Variants in VSTM2L observed in about 807,000 individuals in gnomAD.
VSTM2L encodes the protein V-set and transmembrane domain-containing protein 2-like protein.
VSTM2L carries 9 observed loss-of-function variants against 19.9 expected under a neutral mutation model. The observed-to-expected ratio is 0.45, with a 90% confidence interval of 0.27 to 0.79. The LOEUF (loss-of-function observed/expected upper bound fraction) is 0.79. Among genes scored for constraint, VSTM2L ranks in the 30% least tolerant of loss-of-function variants. VSTM2L has a pLI of 0.15. For missense variants in VSTM2L, 286 were observed against 295.5 expected (o/e 0.97, Z 0.24); for synonymous variants, 127 against 133.8 (o/e 0.95, Z 0.35).
Position 37,941,809 on chromosome 20 carries a change from G to GT in VSTM2L, c.343-2159dup, listed in dbSNP as rs1240857630. The stretch of plus-strand genomic sequence containing the variant: ...CAGGCAGGACAGGGGCTGCAGGAAG[G>GT]TTTTTTTTTTTTTCTAAGAAGAAGG... On this transcript the variant is annotated intron_variant, in intron 3 of 3. Transcript: ENST00000373461. Among the ~76,000 whole-genome samples the GT allele has an allele frequency of 9.4e-3, 1,351 of 143,756 alleles. 20 individuals are homozygous for GT. Among genetic ancestry groups the GT allele is most frequent in the African/African-American group, 0.027 (1,051 of 39,340 alleles). The allele number at this position is 143,756 out of a possible 152,430, so 94.3% of individuals were successfully genotyped here.
chr20:37,911,235 C>CAA (rs11352183), intron 1 of VSTM2L, among the ~76,000 whole-genome samples: 200 of 45,290 alleles, frequency 4.4e-3, no homozygotes, highest in Non-Finnish European at 5.6e-3. Context: ...GACTCCATCT[C>CAA]AAAAAAAAAA....
rs1414875192 is a variant in VSTM2L, at chr20:37,944,353, C to T, written c.*100C>T. ...CCGACTGCCTGCGTCCAGCCGCGCC[C>T]CATCCCCGAGGCCGCCTGTGGCCAC... is the stretch of plus-strand genomic sequence containing the variant. On this transcript the variant is annotated 3_prime_UTR_variant, in exon 4 of 4. Transcript: ENST00000373461. The T allele has an allele frequency of 6.2e-6, 8 of 1,297,538 alleles. No homozygotes were observed. The Middle Eastern group carries it at 8.5e-4, about 138-fold the overall frequency. 80.4% of individuals were successfully genotyped at this position (1,297,538 alleles called of 1,614,324 possible). A position where few individuals can be genotyped will look rare whatever the true frequency, so the allele number is the denominator to read the frequency against.
intron 2 of VSTM2L, among the ~76,000 whole-genome samples, chr20:37,932,078 C>A (rs186565807): frequency 6.6e-6 from 1 of 152,194 alleles, no homozygotes; most frequent in Non-Finnish European, 1.5e-5. Flanking sequence ...GGCCTCCCTT[C>A]GGGGTACAGG....
intron 1 of VSTM2L, among the ~76,000 whole-genome samples, chr20:37,925,216 A>G (rs889232085): frequency 6.6e-6 from 1 of 151,812 alleles, no homozygotes; most frequent in Non-Finnish European, 1.5e-5. Flanking sequence ...CTGCTTGTCA[A>G]TATCCACCCA....
Position 37,944,815 on chromosome 20 carries a change from A to G in VSTM2L, c.*562A>G. 6 of 986,056 alleles carry G rather than the reference A, an allele frequency of 6.1e-6. No homozygotes were observed. Among genetic ancestry groups the G allele is most frequent in the Non-Finnish European group, 7.2e-6 (6 of 830,146 alleles). The allele number at this position is 986,056 out of a possible 1,614,324, so 61.1% of individuals were successfully genotyped here. On this transcript the variant is annotated 3_prime_UTR_variant, in exon 4 of 4. Transcript: ENST00000373461. The stretch of plus-strand genomic sequence containing the variant: ...GGGTCACTCATGGAGGCCTAGGGGA[A>G]CAGCGAGATGCCCCACCACCTCCTG...
intron 1 of VSTM2L, among the ~76,000 whole-genome samples, chr20:37,921,838 CTTTTTTTTTTTT>C (rs756122087): frequency 6.5e-5 from 6 of 91,772 alleles, no homozygotes; most frequent in South Asian, 3.8e-4. Flanking sequence ...CTTTCTTTTC[CTTTTTTTTTTTT>C]TTTTTTTTTT....
chr20:37,910,319 G>A (rs971481675), intron 1 of VSTM2L, among the ~76,000 whole-genome samples: 3 of 152,192 alleles, frequency 2.0e-5, no homozygotes, highest in African/African-American at 7.2e-5. Context: ...ATGTCCGTGG[G>A]GATCCACAGT....
intron 3 of VSTM2L, among the ~76,000 whole-genome samples, chr20:37,939,047 T>C (rs1462411375): frequency 1.3e-5 from 2 of 152,152 alleles, no homozygotes; most frequent in East Asian, 3.8e-4. Context: ...AGAAAATCGC[T>C]TCACCTCTCT....
chr20:37,904,362 G>A (rs769370061), intron 1 of VSTM2L, among the ~76,000 whole-genome samples: 1 of 152,248 alleles, frequency 6.6e-6, no homozygotes, highest in Non-Finnish European at 1.5e-5. Context: ...GGACTGAAAT[G>A]TGGGAAATCT....
intron 3 of VSTM2L, among the ~76,000 whole-genome samples, chr20:37,935,285 G>A (rs937257528): frequency 7.2e-5 from 11 of 152,234 alleles, no homozygotes; most frequent in African/African-American, 2.7e-4. Flanking sequence ...GTCTGGTTAG[G>A]AAATGCACAG....
chr20:37,935,875 C>T (rs550616131), intron 3 of VSTM2L, among the ~76,000 whole-genome samples: 3 of 143,142 alleles, frequency 2.1e-5, no homozygotes, highest in Non-Finnish European at 4.5e-5. Context: ...TGTGTGAACC[C>T]ATACACAGAT....
rs1396821515 is a variant in VSTM2L, at chr20:37,944,703, C to T, written c.*450C>T. On this transcript the variant is annotated 3_prime_UTR_variant, in exon 4 of 4. Transcript: ENST00000373461. ...ACAGTGACCCCTCCCTGAATATGGA[C>T]TTGAATCTTCTGAGCAGAACTAGGG... 2 of 991,382 alleles carry T rather than the reference C, an allele frequency of 2.0e-6. No homozygotes were observed. The highest frequency in any genetic ancestry group is 5.1e-4 in the Middle Eastern group (1 of 1,964). The allele number at this position is 991,382 out of a possible 1,614,324, so 61.4% of individuals were successfully genotyped here. A position where few individuals can be genotyped will look rare whatever the true frequency, so the allele number is the denominator to read the frequency against.
At chr20:37,912,876 G>T (rs886458465) in intron 1 of VSTM2L, among the ~76,000 whole-genome samples, 4 of 151,876 alleles carry the variant, frequency 2.6e-5, no homozygotes, top group Non-Finnish European at 4.4e-5. Flanking sequence ...CTCTCTCTGG[G>T]TCTCTCTGAT....
intron 1 of VSTM2L, among the ~76,000 whole-genome samples, chr20:37,906,159 G>A (rs1044609317): frequency 5.3e-5 from 8 of 152,044 alleles, no homozygotes; most frequent in Admixed American, 4.6e-4. Flanking sequence ...CCCGGCCGCC[G>A]GGCTCCTGCC....
chr20:37,911,132 A>G (rs564519575), intron 1 of VSTM2L, among the ~76,000 whole-genome samples: 57 of 144,674 alleles, frequency 3.9e-4, no homozygotes, highest in African/African-American at 1.4e-3. Flanking sequence ...TTAGCCGGGC[A>G]TGGTGGCGGG....
At chr20:37,937,238 AATG>A (rs971652321) in intron 3 of VSTM2L, among the ~76,000 whole-genome samples, 46 of 152,184 alleles carry the variant, frequency 3.0e-4, no homozygotes, top group African/African-American at 1.1e-3. Context: ...ATAAAATAAT[AATG>A]ATAATAATAA....
chr20:37,903,694 C>T (rs996355593), intron 1 of VSTM2L, among the ~76,000 whole-genome samples: 1 of 152,218 alleles, frequency 6.6e-6, no homozygotes, highest in Non-Finnish European at 1.5e-5. Context: ...CGCGCGGATA[C>T]GCACACCTGC....
At chr20:37,935,228 C>A (rs1014586036) in intron 3 of VSTM2L, among the ~76,000 whole-genome samples, 2 of 152,168 alleles carry the variant, frequency 1.3e-5, no homozygotes, top group African/African-American at 4.8e-5. Context: ...ACCCCCAGCC[C>A]CCCACCCCCA....
Position 37,903,330 on chromosome 20 carries a change from C to G in VSTM2L, c.-21C>G. The stretch of plus-strand genomic sequence containing the variant: ...GGGGCCCAGATGTGAGGCGGCGGCG[C>G]CCCCGGCCCGAGAGCGCACGATGGG... On this transcript the variant is annotated 5_prime_UTR_variant, in exon 1 of 4. Coordinates refer to ENST00000373461, the MANE Select transcript of VSTM2L (RefSeq NM_080607.3). The G allele has an allele frequency of 7.0e-7, 1 of 1,429,248 alleles. No homozygotes were observed. Among genetic ancestry groups the G allele is most frequent in the Non-Finnish European group, 9.1e-7 (1 of 1,098,680 alleles). The allele number at this position is 1,429,248 out of a possible 1,614,324, so 88.5% of individuals were successfully genotyped here. A position where few individuals can be genotyped will look rare whatever the true frequency, so the allele number is the denominator to read the frequency against.
Sources: gnomAD v4.1 joint callset for allele counts (sites outside exome capture counted in the v4.1 genomes callset) on GRCh38, gnomAD v4.1.1 for gene constraint, MANE v1.5 for transcripts, NCBI Gene and HGNC (gene_info 2026-07-23, HGNC 2026-07-21) for gene names.